CCSER1: variants seen among roughly 807,000 people sequenced by gnomAD.
CCSER1 encodes coiled-coil serine rich protein 1.
Under a neutral mutation model 82.0 loss-of-function variants are expected in CCSER1, and 41 were observed. The ratio of observed to expected loss-of-function variants is 0.50; its 90% confidence interval spans 0.39 to 0.65. CCSER1 has a LOEUF of 0.65. Among genes scored for constraint, CCSER1 ranks in the 30% least tolerant of loss-of-function variants. CCSER1 has a pLI of 0.00. For synonymous variants in CCSER1, 414 were observed against 383.9 expected, an observed-to-expected ratio of 1.08 and a Z score of -0.92; for missense variants, 1,119 against 1,064.2, an observed-to-expected ratio of 1.05 and a Z score of -0.72.
chr4:90,193,929 G>C (rs1736122914), intron 1 of CCSER1, among the ~76,000 whole-genome samples: 1 of 152,000 alleles, frequency 6.6e-6, no homozygotes, highest in African/African-American at 2.4e-5. Flanking sequence ...TAACATATTT[G>C]GTGGGCAAGA....
At chr4:91,361,274 C>A (rs1365081685) in intron 10 of CCSER1, among the ~76,000 whole-genome samples, 1 of 151,648 alleles carries the variant, frequency 6.6e-6, no homozygotes, top group Non-Finnish European at 1.5e-5. Context: ...TATGGTCCAG[C>A]ACAAATTATG....
chr4:90,946,502 G>T (rs1732258836), intron 9 of CCSER1, among the ~76,000 whole-genome samples: 1 of 151,908 alleles, frequency 6.6e-6, no homozygotes, highest in African/African-American at 2.4e-5. Context: ...GTGGTTCCAG[G>T]CGCCTCTAAT....
At chr4:91,180,027 TAGTC>T (rs1456055165) in intron 10 of CCSER1, among the ~76,000 whole-genome samples, 2 of 152,222 alleles carry the variant, frequency 1.3e-5, no homozygotes, top group African/African-American at 4.8e-5. Context: ...TTCCTTCTAA[TAGTC>T]AGGATCCCCA....
At chr4:91,506,862 A>G (rs904292805) in intron 10 of CCSER1, among the ~76,000 whole-genome samples, 15 of 152,046 alleles carry the variant, frequency 9.9e-5, no homozygotes, top group African/African-American at 1.2e-4. Context: ...GAATTTGCCT[A>G]TTTTGGACGT....
intron 6 of CCSER1, among the ~76,000 whole-genome samples, chr4:90,715,967 T>G (rs146516845): frequency 1.6e-3 from 248 of 151,844 alleles, no homozygotes; most frequent in African/African-American, 5.8e-3. Context: ...CCATAAAATG[T>G]AATACTATAT....
At chr4:90,834,488 AATTCT>A (rs1761534180) in intron 8 of CCSER1, among the ~76,000 whole-genome samples, 1 of 152,204 alleles carries the variant, frequency 6.6e-6, no homozygotes, top group African/African-American at 2.4e-5. Flanking sequence ...AAAAAATAAT[AATTCT>A]ATTCTAAGAG....
chr4:91,422,227 A>AC (rs1753717544), intron 10 of CCSER1, among the ~76,000 whole-genome samples: 1 of 152,012 alleles, frequency 6.6e-6, no homozygotes, highest in South Asian at 2.1e-4. Flanking sequence ...GCAAAAAAAA[A>AC]ACCCCTGTAC....
intron 7 of CCSER1, among the ~76,000 whole-genome samples, chr4:90,790,861 C>T (rs985862590): frequency 2.0e-5 from 3 of 152,184 alleles, no homozygotes; most frequent in African/African-American, 7.2e-5. Context: ...CTGTTCTGAC[C>T]TCTGCCTGTT....
At chr4:91,076,884 G>A (rs559128130) in intron 9 of CCSER1, among the ~76,000 whole-genome samples, 3 of 152,316 alleles carry the variant, frequency 2.0e-5, no homozygotes, top group African/African-American at 7.2e-5. Flanking sequence ...TTTTGTAGTT[G>A]AGAAGATAAG....
chr4:90,399,180 C>T (rs903250690), intron 3 of CCSER1, among the ~76,000 whole-genome samples: 2 of 151,992 alleles, frequency 1.3e-5, no homozygotes, highest in African/African-American at 4.8e-5. Context: ...TACAAATATA[C>T]AAATCAGGAC....
intron 1 of CCSER1, among the ~76,000 whole-genome samples, chr4:90,203,236 T>C (rs1235371737): frequency 2.6e-5 from 4 of 152,176 alleles, no homozygotes; most frequent in Non-Finnish European, 4.4e-5. Context: ...CTGGGATACA[T>C]GTGCAGAACG....
intron 1 of CCSER1, among the ~76,000 whole-genome samples, chr4:90,278,952 C>G (rs1169027439): frequency 1.3e-5 from 2 of 152,002 alleles, no homozygotes; most frequent in Non-Finnish European, 2.9e-5. Flanking sequence ...TAGGGTTTTT[C>G]CATAAGCGTA....
rs201935885 is a variant in CCSER1, at chr4:91,333,198, G to GA, written c.2217+247212dup. Among the ~76,000 whole-genome samples, 1,113 of 151,654 alleles carry GA rather than the reference G, an allele frequency of 7.3e-3. 42 individuals carry two copies. The highest frequency in any genetic ancestry group is 0.059 in the Admixed American group (895 of 15,208). On this transcript the variant is annotated intron_variant, in intron 10 of 10. Transcript: ENST00000509176. ...CCATTATGGTTGGATTGATAGTCCT[G>GA]AAAAAAAAGAATTCTGAATACAGTA...
intron 10 of CCSER1, among the ~76,000 whole-genome samples, chr4:91,548,620 T>C (rs1483091201): frequency 6.6e-6 from 1 of 151,984 alleles, no homozygotes; most frequent in Non-Finnish European, 1.5e-5. Context: ...TAATTTCTCA[T>C]GGTATGTAAT....
chr4:91,175,170 G>A (rs946157737), intron 10 of CCSER1, among the ~76,000 whole-genome samples: 4 of 152,164 alleles, frequency 2.6e-5, no homozygotes, highest in East Asian at 1.9e-4. Context: ...TTTTATGGCT[G>A]TATAGTGTTC....
At chr4:90,970,430 A>G (rs1561432401) in intron 9 of CCSER1, among the ~76,000 whole-genome samples, 1 of 152,020 alleles carries the variant, frequency 6.6e-6, no homozygotes, top group African/African-American at 2.4e-5. Flanking sequence ...ATATGCATCT[A>G]ACATACAGCA....
chr4:91,333,097 C>T (rs564039543), intron 10 of CCSER1, among the ~76,000 whole-genome samples: 7 of 151,890 alleles, frequency 4.6e-5, no homozygotes, highest in East Asian at 1.9e-4. Flanking sequence ...GCAATCTTCG[C>T]GAAACATCTG....
intron 1 of CCSER1, among the ~76,000 whole-genome samples, chr4:90,137,903 T>C (rs1723987086): frequency 6.6e-6 from 1 of 152,222 alleles, no homozygotes; most frequent in African/African-American, 2.4e-5. Flanking sequence ...AAAGTTCTTT[T>C]TAAAAGTAAA....
At chr4:91,068,268 A>G (rs955139411) in intron 9 of CCSER1, among the ~76,000 whole-genome samples, 1 of 152,186 alleles carries the variant, frequency 6.6e-6, no homozygotes, top group Non-Finnish European at 1.5e-5. Flanking sequence ...AAAAATGGTC[A>G]TTTTATTTTC....
Sources: gnomAD v4.1 joint callset for allele counts (sites outside exome capture counted in the v4.1 genomes callset) on GRCh38, gnomAD v4.1.1 for gene constraint, MANE v1.5 for transcripts, NCBI Gene and HGNC (gene_info 2026-07-23, HGNC 2026-07-21) for gene names.